Variants in USP49 observed in about 807,000 individuals in gnomAD.
The protein encoded by USP49 is ubiquitin carboxyl-terminal hydrolase 49.
Under a neutral mutation model 58.6 loss-of-function variants are expected in USP49, and 24 were observed. The ratio of observed to expected loss-of-function variants is 0.41; its 90% confidence interval spans 0.30 to 0.58. The LOEUF (loss-of-function observed/expected upper bound fraction) is 0.58. Ranked by LOEUF, USP49 falls within the 20% of genes least tolerant of loss-of-function variation. USP49 has a pLI of 0.30. For missense variants in USP49, 703 were observed against 866.1 expected (o/e 0.81, Z 2.36); for synonymous variants, 408 against 365.1 (o/e 1.12, Z -1.34).
chr6:41,819,612 G>C (rs909654065), intron 3 of USP49, among the ~76,000 whole-genome samples: 1 of 152,110 alleles, frequency 6.6e-6, no homozygotes, highest in Non-Finnish European at 1.5e-5. Context: ...ACAGATCTGA[G>C]TAATTTACTC....
At position 41,860,319 on chromosome 6, in the gene USP49, A is replaced by AG. The variant is rs1434786019; in HGVS notation, c.-29+11244_-29+11245insC. Among the ~76,000 whole-genome samples the AG allele has an allele frequency of 2.6e-5, 4 of 151,972 alleles. 1 individual carries two copies. The highest frequency in any genetic ancestry group is 2.6e-4 in the Admixed American group (4 of 15,238). ...AGAGAGGAGGTGAGGCAGTTGAGAG[A>AG]CAGAGAGAAAAATAATCAACTAATT... On this transcript the variant is annotated intron_variant, in intron 3 of 7. Transcript: ENST00000682992.
intron 2 of USP49, among the ~76,000 whole-genome samples, chr6:41,872,309 T>C (rs1774423784): frequency 6.6e-6 from 1 of 152,210 alleles, no homozygotes; most frequent in African/African-American, 2.4e-5. Context: ...TATTGTGTCA[T>C]CCTAACAGCT....
intron 3 of USP49, among the ~76,000 whole-genome samples, chr6:41,848,315 AT>A (rs1773958042): frequency 6.6e-6 from 1 of 152,164 alleles, no homozygotes; most frequent in African/African-American, 2.4e-5. Context: ...GCTACAAAAT[AT>A]ACCAAAAACA....
intron 3 of USP49, among the ~76,000 whole-genome samples, chr6:41,808,783 A>C (rs1442479291): frequency 2.0e-5 from 3 of 152,028 alleles, no homozygotes; most frequent in East Asian, 3.9e-4. Flanking sequence ...CAATACCAGA[A>C]CTTAAAATTC....
At chr6:41,845,154 G>T (rs893872926) in intron 3 of USP49, among the ~76,000 whole-genome samples, 2 of 152,308 alleles carry the variant, frequency 1.3e-5, no homozygotes, top group Non-Finnish European at 2.9e-5. Flanking sequence ...ACCCGCCTCA[G>T]CCTCCCAAAG....
chr6:41,878,314 T>C (rs1402940631), intron 2 of USP49, among the ~76,000 whole-genome samples: 4 of 152,164 alleles, frequency 2.6e-5, no homozygotes. Flanking sequence ...ATGTGTTGGG[T>C]ATCTGGGTCT....
chr6:41,810,455 C>T lies in USP49; in HGVS notation c.-28-3444G>A, dbSNP rs113433312. On this transcript the variant is annotated intron_variant, in intron 3 of 7. Coordinates refer to ENST00000682992, the MANE Select transcript of USP49 (RefSeq NM_001286554.2). ...AGTGAGCCAAGATTGTGCCATCGCA[C>T]TCCAGCCTGGGGGACAAGAGCGAGA... Among the ~76,000 whole-genome samples the T allele has an allele frequency of 8.4e-3, 1,268 of 151,090 alleles. 21 individuals carry two copies. The highest frequency in any genetic ancestry group is 0.029 in the African/African-American group (1,219 of 41,488).
intron 3 of USP49, among the ~76,000 whole-genome samples, chr6:41,867,991 G>C (rs1232673587): frequency 6.6e-6 from 1 of 152,180 alleles, no homozygotes; most frequent in African/African-American, 2.4e-5. Flanking sequence ...AATAGTTACA[G>C]TGACTTTTTC....
At chr6:41,878,371 C>T (rs1774539349) in intron 2 of USP49, among the ~76,000 whole-genome samples, 1 of 152,100 alleles carries the variant, frequency 6.6e-6, no homozygotes, top group African/African-American at 2.4e-5. Flanking sequence ...GACATACGAT[C>T]TTAGCCAGAT....
At chr6:41,811,150 A>G (rs977166898) in intron 3 of USP49, among the ~76,000 whole-genome samples, 14 of 152,292 alleles carry the variant, frequency 9.2e-5, no homozygotes, top group African/African-American at 3.4e-4. Flanking sequence ...AAACCCTCAA[A>G]TCATACAAAG....
intron 3 of USP49, among the ~76,000 whole-genome samples, chr6:41,830,970 C>T (rs1175137471): frequency 1.3e-5 from 2 of 152,112 alleles, no homozygotes; most frequent in African/African-American, 4.8e-5. Context: ...AAAGGTAGAG[C>T]TATCGACTGG....
chr6:41,795,684 G>A lies in USP49; in HGVS notation c.*849C>T, dbSNP rs1419248691. The A allele has an allele frequency of 6.6e-6, 1 of 152,234 alleles. No individual in the cohort carries two copies. Among genetic ancestry groups the A allele is most frequent in the Non-Finnish European group, 1.5e-5 (1 of 68,058 alleles). The allele number at this position is 152,234 out of a possible 1,614,324, so 9.4% of individuals were successfully genotyped here. ...CTGCCCACCCTCAATTGAGTTCTGA[G>A]AAAACCTAAGAATCAATTTAAACCA... On this transcript the variant is annotated 3_prime_UTR_variant, in exon 8 of 8. Coordinates refer to ENST00000682992, the MANE Select transcript of USP49 (RefSeq NM_001286554.2).
rs1402062542 is a variant in USP49 at position 41,815,119 on chromosome 6, C to CAAAACA, written c.-28-8114_-28-8109dup. 6.6e-5 allele frequency among the ~76,000 whole-genome samples: 10 copies of CAAAACA among 151,858 alleles called. No individual in the cohort carries two copies. The South Asian group carries it at 1.7e-3, about 25-fold the overall frequency. ...AAGATTTAAAAATCAAGCTAGAAATCAAAACAAAAACAAAAAGGGGGCCGG... is the reference window on the plus strand; with the variant it reads ...AAGATTTAAAAATCAAGCTAGAAATCAAAACAAAAACAAAAACAAAAAGGGGGCCGG... On this transcript the variant is annotated intron_variant, in intron 3 of 7. Coordinates refer to ENST00000682992, the MANE Select transcript of USP49 (RefSeq NM_001286554.2).
rs1354522340 is a variant in USP49, at chr6:41,795,803, T to C, written c.*730A>G. The stretch of plus-strand genomic sequence containing the variant: ...TGGCTCAGCATGGAACATGTGCTAG[T>C]CTATTGCTTCTTTATATGACCTGCC... On this transcript the variant is annotated 3_prime_UTR_variant, in exon 8 of 8. Transcript: ENST00000682992. 1 of 152,196 alleles carries C rather than the reference T, an allele frequency of 6.6e-6. No individual in the cohort carries two copies. The highest frequency in any genetic ancestry group is 1.5e-5 in the Non-Finnish European group (1 of 68,044). 9.4% of individuals were successfully genotyped at this position (152,196 alleles called of 1,614,324 possible). A position where few individuals can be genotyped will look rare whatever the true frequency, so the allele number is the denominator to read the frequency against.
At chr6:41,880,627 T>C (rs1296285678) in intron 2 of USP49, among the ~76,000 whole-genome samples, 2 of 152,198 alleles carry the variant, frequency 1.3e-5, no homozygotes, top group Admixed American at 1.3e-4. Flanking sequence ...TATTCTCTTA[T>C]CTAGAATTCT....
intron 3 of USP49, chr6:41,868,572 C>T (rs1469771267): frequency 1.3e-5 from 2 of 152,078 alleles, no homozygotes; most frequent in Non-Finnish European, 2.9e-5. Flanking sequence ...TGTGATCAGC[C>T]CACCTTGGCC....
intron 3 of USP49, among the ~76,000 whole-genome samples, chr6:41,820,378 C>G (rs972468676): frequency 6.6e-6 from 1 of 152,042 alleles, no homozygotes; most frequent in Admixed American, 6.6e-5. Context: ...CCCTCCCTAC[C>G]ACCACCCTTA....
Position 41,806,039 on chromosome 6 carries a change from C to G in USP49, c.945G>C (p.Leu315=), listed in dbSNP as rs777297432. ...GKPTNSSATE[L]SLRNDRAEAC... is the part of the protein sequence containing the mutation. Reference sequence around the variant, plus strand: ...CCTCGGCCCTGTCATTTCTCAAGGACAGCTCCGTGGCCGAGCTGTTGGTTG... The same window carrying G: ...CCTCGGCCCTGTCATTTCTCAAGGAGAGCTCCGTGGCCGAGCTGTTGGTTG... Residue 315 remains leucine (L), a synonymous_variant, in exon 4 of 8, where the codon CTG becomes CTC. Transcript: ENST00000682992. This position sits in a 1 kb window ranked among gnomAD's most constrained non-coding sequence, Gnocchi z 5.9. 6.2e-6 allele frequency: 10 copies of G among 1,614,002 alleles called. No individual in the cohort carries two copies. In the East Asian group the frequency reaches 2.2e-4, roughly 36 times the overall value.
intron 4 of USP49, 24 bp downstream of exon 4, chr6:41,805,604 T>C (rs745789986): frequency 1.9e-6 from 3 of 1,590,382 alleles, no homozygotes; most frequent in South Asian, 1.1e-5. Context: ...AAGCCTCTCA[T>C]TGTCATGGTA....
Sources: allele counts gnomAD v4.1 joint callset (sites outside exome capture counted in the v4.1 genomes callset), GRCh38; gene constraint gnomAD v4.1.1; non-coding constraint Gnocchi (gnomAD v3.1); transcripts MANE v1.5; gene names NCBI Gene and HGNC (gene_info 2026-07-23, HGNC 2026-07-21).